B4GALNT4: variants seen among roughly 807,000 people sequenced by gnomAD.
B4GALNT4 encodes the protein beta-1,4-N-acetyl-galactosaminyltransferase 4, also known as N-acetyl-beta-glucosaminyl-glycoprotein 4-beta-N-acetylgalactosaminyltransferase 1.
In B4GALNT4, 77 loss-of-function variants were observed where a neutral mutation model predicts 110.0. The observed-to-expected ratio is 0.70, with a 90% CI of 0.58 to 0.85. The LOEUF (loss-of-function observed/expected upper bound fraction) is 0.85, where lower values mean the gene tolerates loss of function less well. B4GALNT4 is among the 40% of genes least tolerant of loss of function. The pLI is 0.00. For synonymous variants in B4GALNT4, 785 were observed against 655.5 expected, an observed-to-expected ratio of 1.20 and a Z score of -3.02; for missense variants, 1,575 against 1,506.0, an observed-to-expected ratio of 1.05 and a Z score of -0.76.
At position 380,669 on chromosome 11, in the gene B4GALNT4, A is replaced by G. The variant is rs780103867; in HGVS notation, c.2870-156A>G. ...ATCCCGCGTTTATGCACCGCGCTCC[A>G]GGGTCATGACCCAGTACCACCGGAC... is the stretch of plus-strand genomic sequence containing the variant. On this transcript the variant is annotated intron_variant, in intron 18 of 19. Coordinates refer to ENST00000329962, the MANE Select transcript of B4GALNT4 (RefSeq NM_178537.5). 2.9e-6 allele frequency: 4 copies of G among 1,357,132 alleles called. No homozygotes were observed. The South Asian group carries it at 3.6e-5, about 12-fold the overall frequency. The allele number at this position is 1,357,132 out of a possible 1,614,324, so 84.1% of individuals were successfully genotyped here. A position where few individuals can be genotyped will look rare whatever the true frequency, so the allele number is the denominator to read the frequency against.
intron 6 of B4GALNT4, 40 bp from the exon 7 acceptor site, chr11:373,409 C>A (rs750543613): frequency 1.1e-4 from 8 of 70,894 alleles, no homozygotes; most frequent in Admixed American, 3.4e-4. Flanking sequence ...AGAGAGTGAA[C>A]CCCCCCCCCC....
rs1846729426 is a variant in B4GALNT4, at chr11:375,633, C to A, written c.851-6C>A. The A allele has an allele frequency of 1.9e-6, 3 of 1,591,526 alleles. No individual in the cohort carries two copies. The highest frequency in any genetic ancestry group is 2.6e-6 in the Non-Finnish European group (3 of 1,173,152). ...TGAGCACTCCCTGGAACTCTTCTGC[C>A]CCCAGATGAGTCAGCCTTGAAGATG... On this transcript the variant is annotated splice_region_variant and splice_polypyrimidine_tract_variant and intron_variant, in intron 9 of 19. Transcript: ENST00000329962.
chr11:376,377 C>G (rs1230219593), intron 13 of B4GALNT4, 26 bp downstream of exon 13: 10 of 1,604,300 alleles, frequency 6.2e-6, no homozygotes, highest in Non-Finnish European at 8.5e-6. Flanking sequence ...GCCCCTGGCC[C>G]GCACCCACCT....
chr11:379,206 G>A (rs1021439183), intron 14 of B4GALNT4, among the ~76,000 whole-genome samples: 3 of 152,218 alleles, frequency 2.0e-5, no homozygotes, highest in African/African-American at 7.2e-5. Flanking sequence ...TGGGCTCGCT[G>A]GTGTGCCCCC....
chr11:372,644 G>T lies in B4GALNT4; in HGVS notation c.256-18G>T, dbSNP rs1433412072. ...CTGCCCTTCCAACCCTGACCCTGTTGCCTTTTCTCTCCTGCAGCCCGAAGG... is the reference window on the plus strand; with the variant it reads ...CTGCCCTTCCAACCCTGACCCTGTTTCCTTTTCTCTCCTGCAGCCCGAAGG... On this transcript the variant is annotated intron_variant, in intron 2 of 19. Transcript: ENST00000329962. 3 of 1,606,536 alleles carry T rather than the reference G, an allele frequency of 1.9e-6. No individual in the cohort carries two copies. The highest frequency in any genetic ancestry group is 2.2e-5 in the East Asian group (1 of 44,818).
At chr11:375,374 T>C in intron 8 of B4GALNT4, 87 bp from the exon 9 acceptor site, 1 of 1,370,910 alleles carries the variant, frequency 7.3e-7, no homozygotes, top group Non-Finnish European at 1.0e-6. Flanking sequence ...GTCCTATTAG[T>C]CCCCCGGCCC....
chr11:372,739 C>T lies in B4GALNT4; in HGVS notation c.333C>T (p.Pro111=), dbSNP rs746610502. The T allele has an allele frequency of 2.5e-6, 4 of 1,610,316 alleles. No individual in the cohort carries two copies. Among genetic ancestry groups the T allele is most frequent in the Non-Finnish European group, 3.4e-6 (4 of 1,179,316 alleles). Reference sequence around the variant, plus strand: ...CACTGAACTTCACCCATCAGACACCCCCATGGCGGGAGGAGGTGAGCTGGC... The same window carrying T: ...CACTGAACTTCACCCATCAGACACCTCCATGGCGGGAGGAGGTGAGCTGGC... ...RLPLNFTHQT[P]PWREEYKGQV... Residue 111 remains proline, a synonymous_variant, in exon 3 of 20, where the codon CCC becomes CCT. Coordinates refer to ENST00000329962, the MANE Select transcript of B4GALNT4 (RefSeq NM_178537.5).
rs1320418953 is a variant in B4GALNT4, at chr11:369,958, C to A, written c.151+4C>A. Reference sequence around the variant, plus strand: ...CAGCGCCTGGGCTACGGGCGAGGTACGGCGCGGGGGGCGCGGGGGGCGCGG... The same window carrying A: ...CAGCGCCTGGGCTACGGGCGAGGTAAGGCGCGGGGGGCGCGGGGGGCGCGG... On this transcript the variant is annotated splice_donor_region_variant and intron_variant, in intron 1 of 19. Coordinates refer to ENST00000329962, the MANE Select transcript of B4GALNT4 (RefSeq NM_178537.5). 2 of 720,296 alleles carry A rather than the reference C, an allele frequency of 2.8e-6. No homozygotes were observed. The highest frequency in any genetic ancestry group is 3.2e-6 in the Non-Finnish European group (2 of 616,934). 44.6% of individuals were successfully genotyped at this position (720,296 alleles called of 1,614,324 possible).
At chr11:378,025 G>C (rs1469749751) in intron 14 of B4GALNT4, among the ~76,000 whole-genome samples, 1 of 152,260 alleles carries the variant, frequency 6.6e-6, no homozygotes, top group Non-Finnish European at 1.5e-5. Flanking sequence ...CAGGGGCAGA[G>C]GATGGAGGCA....
At chr11:372,995 G>C (rs370167490) in intron 4 of B4GALNT4, 31 bp from the exon 5 acceptor site, 2 of 1,612,236 alleles carry the variant, frequency 1.2e-6, no homozygotes, top group Non-Finnish European at 8.5e-7. Context: ...CACGCAGGGG[G>C]CTTCGACAGC....
rs80301163 is a variant in B4GALNT4 at position 372,671 on chromosome 11, C to A, written c.265C>A (p.Arg89=). ...SREEEQAPEG[R]DLDMLFPGGA... is the part of the protein sequence containing the mutation. ...CTTTTCTCTCCTGCAGCCCGAAGGT[C>A]GGGACCTAGACATGCTGTTTCCTGG... The change falls in exon 3 of 20, where the codon CGG becomes AGG. Residue 89 remains arginine, a synonymous_variant. Transcript: ENST00000329962. 5.6e-6 allele frequency: 9 copies of A among 1,611,852 alleles called. No individual in the cohort carries two copies. The highest frequency in any genetic ancestry group is 7.6e-6 in the Non-Finnish European group (9 of 1,179,710).
chr11:375,405 C>T (rs904536024), intron 8 of B4GALNT4, 56 bp from the exon 9 acceptor site: 6 of 1,586,850 alleles, frequency 3.8e-6, no homozygotes, highest in East Asian at 2.2e-5. Flanking sequence ...TAGACCCTTT[C>T]TTCCCTGGAC....
chr11:371,667 C>T (rs1365742341), intron 1 of B4GALNT4, among the ~76,000 whole-genome samples: 1 of 152,238 alleles, frequency 6.6e-6, no homozygotes, highest in African/African-American at 2.4e-5. Context: ...CCTGAGTTCT[C>T]AGTTCTGGTA....
chr11:379,085 A>G (rs1846817792), intron 14 of B4GALNT4, among the ~76,000 whole-genome samples: 1 of 152,216 alleles, frequency 6.6e-6, no homozygotes, highest in Non-Finnish European at 1.5e-5. Flanking sequence ...GGCGGTGGCT[A>G]ACTCCTGAAG....
chr11:376,131 GACA>G lies in B4GALNT4; in HGVS notation c.1158_1160del (p.Asn386del), dbSNP rs1333134665. On this transcript the variant is annotated inframe_deletion, in exon 12 of 20. Transcript: ENST00000329962. Reference sequence around the variant, plus strand: ...CACTCGCCTCACCCACATGGAGACGGACAACAAGTGCTTCTACCGCGAGTCTCC... The same window carrying G: ...CACTCGCCTCACCCACATGGAGACGGACAAGTGCTTCTACCGCGAGTCTCC... 6.9e-7 allele frequency: 1 copy of G among 1,456,048 alleles called. No individual in the cohort carries two copies. Among genetic ancestry groups the G allele is most frequent in the Non-Finnish European group, 9.2e-7 (1 of 1,082,284 alleles). 90.2% of individuals were successfully genotyped at this position (1,456,048 alleles called of 1,614,324 possible).
At position 381,818 on chromosome 11, in the gene B4GALNT4, G is replaced by T. The variant is rs974719829; in HGVS notation, c.*26G>T. On this transcript the variant is annotated 3_prime_UTR_variant, in exon 20 of 20. Transcript: ENST00000329962. ...GGACGGGCAGCCCCTCCCAGCCCCG[G>T]TGGGAGTCCCGAGGCAGCTGCTGGG... 2 of 1,554,440 alleles carry T rather than the reference G, an allele frequency of 1.3e-6. No individual in the cohort carries two copies. Among genetic ancestry groups the T allele is most frequent in the East Asian group, 2.5e-5 (1 of 40,336 alleles).
At position 377,195 on chromosome 11, in the gene B4GALNT4, T is replaced by C. The variant is rs144514720; in HGVS notation, c.2072T>C (p.Val691Ala). The change falls in exon 14 of 20, where the codon GTG (valine) becomes GCG (alanine). Residue 691 changes from valine to alanine, a missense_variant. Transcript: ENST00000329962. Reference protein sequence around the residue: ...DWQRTFSVGAVDFELLRSDWN... With the variant: ...DWQRTFSVGAADFELLRSDWN... Reference sequence around the variant, plus strand: ...CAGCGCACGTTCAGCGTGGGCGCCGTGGACTTCGAGCTGCTGCGCTCGGAC... The same window carrying C: ...CAGCGCACGTTCAGCGTGGGCGCCGCGGACTTCGAGCTGCTGCGCTCGGAC... The C allele has an allele frequency of 3.0e-4, 469 of 1,589,504 alleles. No homozygotes were observed. The highest frequency in any genetic ancestry group is 1.9e-3 in the South Asian group (163 of 87,698).
chr11:378,059 C>T (rs570514756), intron 14 of B4GALNT4, among the ~76,000 whole-genome samples: 7 of 151,668 alleles, frequency 4.6e-5, no homozygotes, highest in East Asian at 3.9e-4. Flanking sequence ...TTCTCCTGTG[C>T]GTGATGGAAG....
intron 14 of B4GALNT4, 53 bp downstream of exon 14, chr11:377,380 G>T: frequency 7.0e-7 from 1 of 1,435,898 alleles, no homozygotes; most frequent in Non-Finnish European, 9.1e-7. Context: ...GGGGACAGCC[G>T]GGGAGAGGAG....
Sources: allele counts gnomAD v4.1 joint callset (sites outside exome capture counted in the v4.1 genomes callset), GRCh38; gene constraint gnomAD v4.1.1; transcripts MANE v1.5; gene names NCBI Gene and HGNC (gene_info 2026-07-23, HGNC 2026-07-21).